Variants in CACNA2D3 observed in about 807,000 individuals in gnomAD.
CACNA2D3 encodes voltage-dependent calcium channel subunit alpha-2/delta-3.
Under a neutral mutation model 160.6 loss-of-function variants are expected in CACNA2D3, and 60 were observed. The observed-to-expected ratio is 0.37, with a 90% CI of 0.30 to 0.46. The LOEUF (loss-of-function observed/expected upper bound fraction) is 0.46. Among genes scored for constraint, CACNA2D3 ranks in the 20% least tolerant of loss-of-function variants. CACNA2D3 has a pLI of 1.00. For synonymous variants in CACNA2D3, 558 were observed against 492.9 expected, an observed-to-expected ratio of 1.13 and a Z score of -1.75; for missense variants, 1,205 against 1,365.0, an observed-to-expected ratio of 0.88 and a Z score of 1.85.
intron 2 of CACNA2D3, among the ~76,000 whole-genome samples, chr3:54,284,571 C>A (rs1044472567): frequency 6.6e-6 from 1 of 152,142 alleles, no homozygotes; most frequent in East Asian, 1.9e-4. Flanking sequence ...ATTAAAATGT[C>A]TTAATTTTAA....
At chr3:54,835,684 G>A (rs1410501360) in intron 14 of CACNA2D3, among the ~76,000 whole-genome samples, 1 of 152,212 alleles carries the variant, frequency 6.6e-6, no homozygotes, top group Non-Finnish European at 1.5e-5. Context: ...AAACACGCTA[G>A]GTTGAAGATA....
intron 2 of CACNA2D3, among the ~76,000 whole-genome samples, chr3:54,306,490 A>T (rs113958473): frequency 2.0e-5 from 3 of 152,220 alleles, no homozygotes; most frequent in African/African-American, 7.2e-5. Flanking sequence ...TGTGTGAGGA[A>T]TCAAGTGCTT....
intron 18 of CACNA2D3, chr3:54,876,408 C>A (rs1401260934): frequency 1.3e-5 from 2 of 152,230 alleles, no homozygotes; most frequent in African/African-American, 4.8e-5. Context: ...CTTTCCTCCT[C>A]TGGCAAGGAG....
chr3:54,813,274 G>A (rs1326566649), intron 13 of CACNA2D3, among the ~76,000 whole-genome samples: 2 of 152,168 alleles, frequency 1.3e-5, no homozygotes, highest in Admixed American at 6.5e-5. Context: ...AATAGACCCA[G>A]CAAGGCAGAG....
chr3:54,302,039 G>A (rs532246582), intron 2 of CACNA2D3, among the ~76,000 whole-genome samples: 1 of 152,338 alleles, frequency 6.6e-6, no homozygotes, highest in Admixed American at 6.5e-5. Flanking sequence ...GCCTCACGTT[G>A]TTACTTTTCT....
At chr3:54,987,625 C>CTCTCCTGT (rs980864586) in intron 30 of CACNA2D3, 58 bp from the exon 31 acceptor site, 2 of 1,109,904 alleles carry the variant, frequency 1.8e-6, no homozygotes, top group African/African-American at 3.2e-5. Context: ...TTCATTTCTT[C>CTCTCCTGT]TCTCCTGTTT....
At chr3:54,490,349 C>T (rs914887781) in intron 4 of CACNA2D3, among the ~76,000 whole-genome samples, 2 of 152,156 alleles carry the variant, frequency 1.3e-5, no homozygotes, top group Non-Finnish European at 1.5e-5. Context: ...CAGGCTCCCA[C>T]GCCCTGGCTC....
At position 55,074,194 on chromosome 3, in the gene CACNA2D3, C is replaced by G. The variant is rs1232918366; in HGVS notation, c.3264C>G (p.Leu1088=). The G allele has an allele frequency of 6.2e-6, 10 of 1,613,406 alleles. No homozygotes were observed. The Admixed American group carries it at 6.7e-5, about 11-fold the overall frequency. The change falls in exon 38 of 38, where the codon CTC becomes CTG. Residue 1088 remains leucine, a synonymous_variant. Transcript: ENST00000474759. ...TTCTGCTCCCTCTGCTTTTGATGCTCTTCTCAAGGTGACACTGACTGAGAT... is the reference window on the plus strand; with the variant it reads ...TTCTGCTCCCTCTGCTTTTGATGCTGTTCTCAAGGTGACACTGACTGAGAT... ...VLLLLPLLLM[L]FSR
At chr3:54,225,436 TTAGA>T (rs1701653989) in intron 2 of CACNA2D3, among the ~76,000 whole-genome samples, 2 of 152,232 alleles carry the variant, frequency 1.3e-5, no homozygotes, top group Non-Finnish European at 2.9e-5. Flanking sequence ...CTCCATGAGG[TTAGA>T]CCTTTTCACA....
chr3:54,882,189 A>C (rs1461282909), intron 21 of CACNA2D3, among the ~76,000 whole-genome samples: 1 of 152,212 alleles, frequency 6.6e-6, no homozygotes, highest in Non-Finnish European at 1.5e-5. Flanking sequence ...TCTGTGGGCC[A>C]TGTTGGCTCT....
intron 2 of CACNA2D3, among the ~76,000 whole-genome samples, chr3:54,160,142 A>T (rs1700315555): frequency 6.6e-6 from 1 of 152,214 alleles, no homozygotes. Context: ...TGGTCTGCAC[A>T]GGAGAATATT....
chr3:54,735,759 G>A (rs1488782932), intron 11 of CACNA2D3, among the ~76,000 whole-genome samples: 6 of 151,446 alleles, frequency 4.0e-5, no homozygotes, highest in Non-Finnish European at 8.8e-5. Context: ...AGCTGCACAG[G>A]AGATCCTCTG....
intron 16 of CACNA2D3, among the ~76,000 whole-genome samples, chr3:54,842,054 G>A (rs1698831179): frequency 6.6e-6 from 1 of 152,174 alleles, no homozygotes. Flanking sequence ...TTGATTTGTG[G>A]CCAAAAACTA....
intron 13 of CACNA2D3, among the ~76,000 whole-genome samples, chr3:54,789,354 T>C (rs1008965758): frequency 1.3e-5 from 2 of 152,218 alleles, no homozygotes; most frequent in African/African-American, 4.8e-5. Context: ...ATTAAGACAT[T>C]TGCCCTTTAT....
intron 11 of CACNA2D3, among the ~76,000 whole-genome samples, chr3:54,752,168 A>G (rs755170636): frequency 1.3e-5 from 2 of 152,116 alleles, no homozygotes; most frequent in Non-Finnish European, 2.9e-5. Flanking sequence ...GCCTGTCCTC[A>G]CCATTGGAGG....
chr3:54,804,242 T>A (rs1378215266), intron 13 of CACNA2D3, among the ~76,000 whole-genome samples: 1 of 151,822 alleles, frequency 6.6e-6, no homozygotes, highest in Non-Finnish European at 1.5e-5. Flanking sequence ...AATGCTCCAA[T>A]TAAAAGACAC....
intron 2 of CACNA2D3, among the ~76,000 whole-genome samples, chr3:54,287,141 TAA>T (rs1479219895): frequency 5.4e-4 from 82 of 151,840 alleles, no homozygotes; most frequent in African/African-American, 1.9e-3. Flanking sequence ...GCAAATTGGA[TAA>T]AGAGTCAAGA....
intron 3 of CACNA2D3, among the ~76,000 whole-genome samples, chr3:54,350,894 G>T (rs183441336): frequency 4.0e-4 from 60 of 151,218 alleles, no homozygotes; most frequent in Non-Finnish European, 7.4e-4. Flanking sequence ...CAGTCACTTG[G>T]TAAGGGCATA....
intron 2 of CACNA2D3, among the ~76,000 whole-genome samples, chr3:54,312,273 C>T (rs532712716): frequency 6.6e-6 from 1 of 152,160 alleles, no homozygotes; most frequent in Non-Finnish European, 1.5e-5. Context: ...TATGTCGACT[C>T]TAGAGGTGTA....
Sources: allele counts gnomAD v4.1 joint callset (sites outside exome capture counted in the v4.1 genomes callset), GRCh38; gene constraint gnomAD v4.1.1; transcripts MANE v1.5; gene names NCBI Gene and HGNC (gene_info 2026-07-23, HGNC 2026-07-21).